MBTD1: variants seen among roughly 807,000 people sequenced by gnomAD.
The protein encoded by MBTD1 is mbt domain containing 1, also known as MBT domain-containing protein 1.
In MBTD1, 24 loss-of-function variants were observed where a neutral mutation model predicts 87.8. The ratio of observed to expected loss-of-function variants is 0.27; its 90% CI spans 0.20 to 0.38. The LOEUF (loss-of-function observed/expected upper bound fraction) is 0.38, where lower values mean the gene tolerates loss of function less well. Among genes scored for constraint, MBTD1 ranks in the 10% least tolerant of loss-of-function variants. The pLI is 1.00. For synonymous variants in MBTD1, 237 were observed against 248.6 expected (o/e 0.95, Z 0.44); for missense variants, 436 against 760.2 (o/e 0.57, Z 5.02).
chr17:51,244,196 T>C (rs1210368779), intron 2 of MBTD1, among the ~76,000 whole-genome samples: 2 of 152,198 alleles, frequency 1.3e-5, no homozygotes, highest in African/African-American at 4.8e-5. Flanking sequence ...CAAACATTAA[T>C]ATGATGGCTG....
intron 6 of MBTD1, among the ~76,000 whole-genome samples, chr17:51,214,254 A>G (rs1426091068): frequency 6.6e-6 from 1 of 152,140 alleles, no homozygotes; most frequent in Non-Finnish European, 1.5e-5. Context: ...GGTATAAACC[A>G]TTGTGCCCAG....
At chr17:51,198,003 T>TA (rs2051235822) in intron 12 of MBTD1, among the ~76,000 whole-genome samples, 1 of 152,248 alleles carries the variant, frequency 6.6e-6, no homozygotes, top group African/African-American at 2.4e-5. Context: ...GATGAGCTTC[T>TA]ACACCAGTGA....
At chr17:51,226,623 T>C (rs1232481637) in intron 2 of MBTD1, among the ~76,000 whole-genome samples, 3 of 151,768 alleles carry the variant, frequency 2.0e-5, no homozygotes, top group Non-Finnish European at 4.4e-5. Flanking sequence ...CCAGAAAATA[T>C]GGATGCTTTT....
chr17:51,194,592 A>AAAAAG (rs2050985534), intron 13 of MBTD1, among the ~76,000 whole-genome samples: 5 of 148,012 alleles, frequency 3.4e-5, no homozygotes, highest in Non-Finnish European at 7.4e-5. Flanking sequence ...AAAAAAAAAA[A>AAAAAG]GTCCACATGG....
Position 51,192,851 on chromosome 17 carries a change from A to T in MBTD1, c.1621T>A (p.Ser541Thr). The change falls in exon 15 of 17, where the codon TCA becomes ACA. Residue 541 changes from serine to threonine, a missense_variant. Physicochemically the swap from Ser to Thr is moderately conservative, Grantham distance 58. Around this residue, in one of 5 missense-constraint regions of MBTD1, gnomAD observed 80 missense variants for 182.2 expected, o/e 0.44. Transcript: ENST00000586178. ...EEYDQWVDCESPDLYPVGWCQ... is the reference protein window; with the variant it reads ...EEYDQWVDCETPDLYPVGWCQ... ...CACCCTACAGGATAGAGGTCAGGTG[A>T]CTCACAGTCTACCCACTGATCATAC... 1 of 1,614,194 alleles carries T rather than the reference A, an allele frequency of 6.2e-7. No individual in the cohort carries two copies. The highest frequency in any genetic ancestry group is 8.5e-7 in the Non-Finnish European group (1 of 1,180,016).
Position 51,190,750 on chromosome 17 carries a change from AATATAT to A in MBTD1, c.1768+1447_1768+1452del, listed in dbSNP as rs1555677186. ...AAAAAAAAAAAAAAAAAAAAAAAAA[AATATAT>A]ATATATATATATATAACCTTATCTA... On this transcript the variant is annotated intron_variant, in intron 16 of 16. Transcript: ENST00000586178. Among the ~76,000 whole-genome samples the A allele has an allele frequency of 1.0e-4, 4 of 39,714 alleles. No individual in the cohort carries two copies. In the East Asian group the frequency reaches 1.8e-3, roughly 17 times the overall value. 26.1% of individuals were successfully genotyped at this position (39,714 alleles called of 152,430 possible). A position where few individuals can be genotyped will look rare whatever the true frequency, so the allele number is the denominator to read the frequency against.
Position 51,259,854 on chromosome 17 carries a change from A to G in MBTD1, c.-132T>C. The G allele has an allele frequency of 8.1e-7, 1 of 1,231,564 alleles. No individual in the cohort carries two copies. The highest frequency in any genetic ancestry group is 1.0e-6 in the Non-Finnish European group (1 of 987,788). 76.3% of individuals were successfully genotyped at this position (1,231,564 alleles called of 1,614,324 possible). On this transcript the variant is annotated 5_prime_UTR_variant, in exon 1 of 17. It removes an upstream start codon present in the reference 5' UTR. Transcript: ENST00000586178. Reference sequence around the variant, plus strand: ...TCTCACCAGATCCTTTGTGTTTTCCATCAGGGCCTCATGGGTAGGGGTTGT... The same window carrying G: ...TCTCACCAGATCCTTTGTGTTTTCCGTCAGGGCCTCATGGGTAGGGGTTGT...
chr17:51,199,504 C>T (rs542511811), intron 12 of MBTD1, among the ~76,000 whole-genome samples: 19 of 151,754 alleles, frequency 1.3e-4, no homozygotes, highest in Admixed American at 6.6e-4. Context: ...TGCAGTGGTG[C>T]GATCTCAGCT....
At chr17:51,258,868 TA>T (rs1162608981) in intron 2 of MBTD1, among the ~76,000 whole-genome samples, 1 of 152,204 alleles carries the variant, frequency 6.6e-6, no homozygotes, top group East Asian at 1.9e-4. Context: ...AGTTTTCGGC[TA>T]GCCCTCACTA....
chr17:51,191,841 A>G (rs575798627), intron 16 of MBTD1: 2 of 195,962 alleles, frequency 1.0e-5, no homozygotes, highest in South Asian at 8.4e-5. Flanking sequence ...TCGGCCTCCT[A>G]AAGTGCTGGG....
At chr17:51,208,648 T>C (rs1008683365) in intron 6 of MBTD1, among the ~76,000 whole-genome samples, 3 of 152,192 alleles carry the variant, frequency 2.0e-5, no homozygotes, top group Non-Finnish European at 4.4e-5. Flanking sequence ...CTCTGTCTGG[T>C]TACCAAATCT....
intron 6 of MBTD1, among the ~76,000 whole-genome samples, chr17:51,211,461 C>G (rs984040859): frequency 2.7e-5 from 4 of 148,974 alleles, no homozygotes; most frequent in African/African-American, 7.4e-5. Context: ...GAGCTGTAAT[C>G]GTGCTACTGG....
chr17:51,246,122 G>C (rs2054419610), intron 2 of MBTD1, among the ~76,000 whole-genome samples: 1 of 152,100 alleles, frequency 6.6e-6, no homozygotes, highest in Non-Finnish European at 1.5e-5. Flanking sequence ...AAATGCTTGG[G>C]ACCAGAAACA....
chr17:51,211,806 C>A (rs2052237779), intron 6 of MBTD1, among the ~76,000 whole-genome samples: 1 of 151,574 alleles, frequency 6.6e-6, no homozygotes. Context: ...AAAAATGACT[C>A]TACTTGAAAA....
intron 1 of MBTD1, among the ~76,000 whole-genome samples, chr17:51,259,468 G>A (rs992064196): frequency 6.6e-6 from 1 of 152,124 alleles, no homozygotes; most frequent in African/African-American, 2.4e-5. Flanking sequence ...AAGAAGAGAG[G>A]ACTACTCCAC....
intron 2 of MBTD1, among the ~76,000 whole-genome samples, chr17:51,249,226 C>T (rs528986122): frequency 2.6e-4 from 40 of 152,086 alleles, no homozygotes; most frequent in Admixed American, 2.3e-3. Context: ...TGCCACTGTA[C>T]TGCAGCCTGG....
chr17:51,212,988 A>C (rs557030028), intron 6 of MBTD1, among the ~76,000 whole-genome samples: 53 of 152,270 alleles, frequency 3.5e-4, no homozygotes, highest in South Asian at 8.3e-4. Context: ...TCGGCCTCCC[A>C]AAGTGCTGGG....
At chr17:51,181,114 C>T (rs1215763364) in intron 16 of MBTD1, among the ~76,000 whole-genome samples, 10 of 150,918 alleles carry the variant, frequency 6.6e-5, no homozygotes, top group Non-Finnish European at 1.0e-4. Context: ...CTCCGCTTCC[C>T]GGTTCAAGCG....
intron 12 of MBTD1, among the ~76,000 whole-genome samples, chr17:51,198,617 ACT>A (rs1479061546): frequency 2.0e-5 from 3 of 152,044 alleles, no homozygotes; most frequent in Non-Finnish European, 4.4e-5. Context: ...AGCTATTCAG[ACT>A]CTTTCTCAGT....
Sources: gnomAD v4.1 joint callset for allele counts (sites outside exome capture counted in the v4.1 genomes callset) on GRCh38, gnomAD v4.1.1 for gene constraint, gnomAD v4.1.1 regional missense constraint, MANE v1.5 for transcripts, NCBI Gene and HGNC (gene_info 2026-07-23, HGNC 2026-07-21) for gene names.